BBX: variants seen among roughly 807,000 people sequenced by gnomAD.
BBX encodes HMG box transcription factor BBX.
In BBX, 30 loss-of-function variants were observed where a neutral mutation model predicts 100.2. That is an observed-to-expected ratio of 0.30 (90% CI 0.22 to 0.41). The LOEUF is 0.41. Ranked by LOEUF, BBX falls within the 10% of genes least tolerant of loss-of-function variation. BBX has a pLI of 1.00. For missense variants in BBX, 1,023 were observed against 1,129.8 expected, an observed-to-expected ratio of 0.91 and a Z score of 1.35; for synonymous variants, 376 against 388.1, an observed-to-expected ratio of 0.97 and a Z score of 0.37.
At chr3:107,721,421 A>T (rs1470750327) in intron 5 of BBX, among the ~76,000 whole-genome samples, 1 of 151,736 alleles carries the variant, frequency 6.6e-6, no homozygotes, top group Admixed American at 6.6e-5. Flanking sequence ...AGCACTTGCC[A>T]TTTCTCTCCT....
intron 7 of BBX, among the ~76,000 whole-genome samples, chr3:107,742,630 G>GCA (rs1365058183): frequency 6.6e-6 from 1 of 152,124 alleles, no homozygotes; most frequent in East Asian, 1.9e-4. Context: ...AGGTCACTGA[G>GCA]ATTCTTCCTA....
At chr3:107,661,720 C>A in intron 3 of BBX, 1 of 242,282 alleles carries the variant, frequency 4.1e-6, no homozygotes, top group Non-Finnish European at 6.6e-6. Flanking sequence ...TAACTTCTGA[C>A]TCTTTTGCTC....
At chr3:107,625,662 G>A (rs558399049) in intron 2 of BBX, among the ~76,000 whole-genome samples, 7 of 152,172 alleles carry the variant, frequency 4.6e-5, no homozygotes, top group Admixed American at 3.9e-4. Flanking sequence ...GTTTTGTTTT[G>A]TAGTTTCTTT....
At chr3:107,630,499 T>G (rs887227680) in intron 2 of BBX, among the ~76,000 whole-genome samples, 1 of 152,130 alleles carries the variant, frequency 6.6e-6, no homozygotes, top group Non-Finnish European at 1.5e-5. Context: ...GTGGGGAAAA[T>G]GACGTTCAGT....
intron 2 of BBX, among the ~76,000 whole-genome samples, chr3:107,645,441 A>T (rs945289014): frequency 5.3e-5 from 8 of 152,104 alleles, no homozygotes; most frequent in Admixed American, 2.6e-4. Context: ...TATCTAGTTG[A>T]GTGGGGCCAG....
chr3:107,609,355 A>G (rs1012492951), intron 2 of BBX, among the ~76,000 whole-genome samples: 2 of 151,560 alleles, frequency 1.3e-5, no homozygotes, highest in African/African-American at 4.8e-5. Flanking sequence ...TCTTTTTTTG[A>G]TGTGTCTTTA....
chr3:107,577,344 A>T (rs2051868662), intron 2 of BBX, among the ~76,000 whole-genome samples: 1 of 152,192 alleles, frequency 6.6e-6, no homozygotes, highest in Admixed American at 6.5e-5. Context: ...CCAGCTAAGA[A>T]GTAAACCCAT....
At chr3:107,721,158 A>G (rs888379236) in intron 5 of BBX, among the ~76,000 whole-genome samples, 1 of 152,046 alleles carries the variant, frequency 6.6e-6, no homozygotes, top group African/African-American at 2.4e-5. Flanking sequence ...AAATTTCATT[A>G]AAATTTTGTT....
chr3:107,586,448 T>G (rs927202852), intron 2 of BBX, among the ~76,000 whole-genome samples: 5 of 152,214 alleles, frequency 3.3e-5, no homozygotes, highest in Non-Finnish European at 7.3e-5. Flanking sequence ...GTTTTTAATG[T>G]GAATTAAACA....
chr3:107,660,380 T>G (rs1416833352), intron 3 of BBX, among the ~76,000 whole-genome samples: 3 of 151,970 alleles, frequency 2.0e-5, no homozygotes, highest in Non-Finnish European at 4.4e-5. Context: ...TTAGTCTCTT[T>G]CCTGCATTGT....
chr3:107,734,572 C>A (rs1055531689), intron 7 of BBX, among the ~76,000 whole-genome samples: 1 of 152,162 alleles, frequency 6.6e-6, no homozygotes, highest in East Asian at 1.9e-4. Flanking sequence ...ATGTCTGACT[C>A]AATATGATTC....
intron 7 of BBX, among the ~76,000 whole-genome samples, chr3:107,743,781 AAAG>A (rs1419739807): frequency 2.0e-5 from 3 of 152,214 alleles, no homozygotes; most frequent in Non-Finnish European, 4.4e-5. Context: ...TTTTTTTAAA[AAAG>A]AACATTCTGT....
chr3:107,745,591 G>T (rs915034217), intron 8 of BBX, among the ~76,000 whole-genome samples: 3 of 151,896 alleles, frequency 2.0e-5, no homozygotes, highest in African/African-American at 7.3e-5. Flanking sequence ...CCTCCTGATA[G>T]CTAGGACTGC....
At chr3:107,563,514 T>C (rs1217918670) in intron 2 of BBX, among the ~76,000 whole-genome samples, 1 of 152,200 alleles carries the variant, frequency 6.6e-6, no homozygotes, top group Non-Finnish European at 1.5e-5. Flanking sequence ...TCCCCAAATA[T>C]AAAACTTCTA....
intron 2 of BBX, among the ~76,000 whole-genome samples, chr3:107,605,588 C>A (rs1229894061): frequency 1.3e-5 from 2 of 152,108 alleles, no homozygotes; most frequent in African/African-American, 4.8e-5. Context: ...AGTTAGATAT[C>A]CCTTCCTTCT....
intron 2 of BBX, among the ~76,000 whole-genome samples, chr3:107,550,820 A>C (rs1297106464): frequency 6.6e-6 from 1 of 152,070 alleles, no homozygotes; most frequent in East Asian, 1.9e-4. Flanking sequence ...GGAAGTAATT[A>C]CTCATCTAGG....
chr3:107,605,991 C>T (rs1426056219), intron 2 of BBX, among the ~76,000 whole-genome samples: 4 of 152,094 alleles, frequency 2.6e-5, no homozygotes, highest in East Asian at 1.9e-4. Flanking sequence ...CTATTACTTT[C>T]GAAAAGCTCC....
chr3:107,566,615 G>A (rs1411533400), intron 2 of BBX, among the ~76,000 whole-genome samples: 1 of 150,724 alleles, frequency 6.6e-6, no homozygotes, highest in African/African-American at 2.4e-5. Flanking sequence ...TTTTCCTATG[G>A]TGGTTTTGTT....
At chr3:107,546,148 C>T (rs964928348) in intron 2 of BBX, among the ~76,000 whole-genome samples, 2 of 152,160 alleles carry the variant, frequency 1.3e-5, no homozygotes, top group African/African-American at 4.8e-5. Flanking sequence ...CATTAGATAA[C>T]GTTAGTTTGT....
Sources: allele counts gnomAD v4.1 joint callset (sites outside exome capture counted in the v4.1 genomes callset), GRCh38; gene constraint gnomAD v4.1.1; transcripts MANE v1.5; gene names NCBI Gene and HGNC (gene_info 2026-07-23, HGNC 2026-07-21).